Variants in SYNGR3 observed in about 807,000 individuals in gnomAD.
SYNGR3 encodes synaptogyrin-3.
Under a neutral mutation model 18.5 loss-of-function variants are expected in SYNGR3, and 10 were observed. The observed-to-expected ratio is 0.54, with a 90% confidence interval of 0.33 to 0.92. The LOEUF is 0.92. SYNGR3 is among the 40% of genes least tolerant of loss of function. The pLI, the probability that SYNGR3 is intolerant of heterozygous loss-of-function variation, is 0.02. For synonymous variants in SYNGR3, 188 were observed against 157.2 expected (o/e 1.20, Z -1.47); for missense variants, 335 against 332.8 (o/e 1.01, Z -0.05).
Position 1,992,843 on chromosome 16 carries a change from G to T in SYNGR3, c.481-20G>T. The T allele has an allele frequency of 6.6e-7, 1 of 1,525,334 alleles. No individual in the cohort carries two copies. The highest frequency in any genetic ancestry group is 8.8e-7 in the Non-Finnish European group (1 of 1,138,006). 94.5% of individuals were successfully genotyped at this position (1,525,334 alleles called of 1,614,324 possible). On this transcript the variant is annotated intron_variant, in intron 3 of 3. Coordinates refer to ENST00000248121, the MANE Select transcript of SYNGR3 (RefSeq NM_004209.6). ...CGCTCGGCTGATCCCGGCTGACCCC[G>T]CTGACCCCGCCCCGCGCAGGTGGCG... is the stretch of plus-strand genomic sequence containing the variant.
rs747752957 is a variant in SYNGR3, at chr16:1,992,681, A to T, written c.383A>T (p.Asn128Ile). Residue 128 changes from asparagine (N) to isoleucine (I), a missense_variant, in exon 3 of 4, where the codon AAT (asparagine) becomes ATT (isoleucine). By Grantham distance (149) the Asn-to-Ile change is moderately radical. Transcript: ENST00000248121. ...LWFVGFCFLT[N>I]QWQRTAPGPA... ...TTCGTGGGCTTCTGCTTCCTCACCA[A>T]TCAGTGGCAGCGCACGGCGCCAGGG... 1 of 1,605,808 alleles carries T rather than the reference A, an allele frequency of 6.2e-7. No individual in the cohort carries two copies. The highest frequency in any genetic ancestry group is 2.3e-5 in the East Asian group (1 of 44,090).
At chr16:1,991,931 A>T in intron 1 of SYNGR3, 43 bp from the exon 2 acceptor site, 1 of 1,527,494 alleles carries the variant, frequency 6.5e-7, no homozygotes, top group Non-Finnish European at 8.8e-7. Context: ...GGGCTCGCAG[A>T]GGTCGGGTCG....
Position 1,992,708 on chromosome 16 carries a change from C to T in SYNGR3, c.410C>T (p.Pro137Leu), listed in dbSNP as rs746600379. The change falls in exon 3 of 4, where the codon CCG (proline) becomes CTG (leucine). Residue 137 changes from proline (P) to leucine (L), a missense_variant. Coordinates refer to ENST00000248121, the MANE Select transcript of SYNGR3 (RefSeq NM_004209.6). ...CAGTGGCAGCGCACGGCGCCAGGGC[C>T]GGCCACGACGCAGGCGGGGGACGCG... ...TNQWQRTAPG[P>L]ATTQAGDAAR... 1.9e-6 allele frequency: 3 copies of T among 1,600,332 alleles called. No homozygotes were observed. Among genetic ancestry groups the T allele is most frequent in the Non-Finnish European group, 2.6e-6 (3 of 1,176,212 alleles).
rs1486857331 is a variant in SYNGR3 at position 1,993,354 on chromosome 16, C to T, written c.*282C>T. ...CTGGAATGGACTGGCCTGGGGAAGG[C>T]TTTCCCCTCTTGGGCCACACCTGCT... is the stretch of plus-strand genomic sequence containing the variant. On this transcript the variant is annotated 3_prime_UTR_variant, in exon 4 of 4. Coordinates refer to ENST00000248121, the MANE Select transcript of SYNGR3 (RefSeq NM_004209.6). The T allele has an allele frequency of 3.2e-6, 2 of 621,042 alleles. No individual in the cohort carries two copies. Among genetic ancestry groups the T allele is most frequent in the East Asian group, 6.2e-5 (2 of 32,392 alleles). The allele number at this position is 621,042 out of a possible 1,614,324, so 38.5% of individuals were successfully genotyped here.
chr16:1,993,182 T>C lies in SYNGR3; in HGVS notation c.*110T>C. The C allele has an allele frequency of 2.9e-6, 4 of 1,363,546 alleles. No homozygotes were observed. The highest frequency in any genetic ancestry group is 4.0e-6 in the Non-Finnish European group (4 of 1,005,324). The allele number at this position is 1,363,546 out of a possible 1,614,324, so 84.5% of individuals were successfully genotyped here. A position where few individuals can be genotyped will look rare whatever the true frequency, so the allele number is the denominator to read the frequency against. On this transcript the variant is annotated 3_prime_UTR_variant, in exon 4 of 4. Coordinates refer to ENST00000248121, the MANE Select transcript of SYNGR3 (RefSeq NM_004209.6). The stretch of plus-strand genomic sequence containing the variant: ...AGCTCAGTGCCGCGGACAGAGTAGG[T>C]GGCCGCTTTGCGCCATCCGGGGCCA...
At position 1,990,186 on chromosome 16, in the gene SYNGR3, C is replaced by T; in HGVS notation, c.84C>T (p.Leu28=). 3 of 1,280,634 alleles carry T rather than the reference C, an allele frequency of 2.3e-6. No homozygotes were observed. The highest frequency in any genetic ancestry group is 9.9e-7 in the Non-Finnish European group (1 of 1,012,524). The allele number at this position is 1,280,634 out of a possible 1,614,324, so 79.3% of individuals were successfully genotyped here. ...TTGCGCGGCGGCCCCAGACCCTGCT[C>T]CGGGTCGCGTCCTGGGTGAGTGGTC... is the stretch of plus-strand genomic sequence containing the variant. ...VSFARRPQTL[L]RVASWVFSIA... is the part of the protein sequence containing the mutation. Residue 28 remains leucine (L), a synonymous_variant, in exon 1 of 4, where the codon CTC becomes CTT. Transcript: ENST00000248121.
In SYNGR3 at chr16:1,993,321, T is replaced by C. The variant is rs1428760163; in HGVS notation, c.*249T>C. 3.1e-6 allele frequency: 2 copies of C among 637,336 alleles called. No individual in the cohort carries two copies. The highest frequency in any genetic ancestry group is 5.7e-6 in the Non-Finnish European group (2 of 350,884). The allele number at this position is 637,336 out of a possible 1,614,324, so 39.5% of individuals were successfully genotyped here. On this transcript the variant is annotated 3_prime_UTR_variant, in exon 4 of 4. Coordinates refer to ENST00000248121, the MANE Select transcript of SYNGR3 (RefSeq NM_004209.6). Reference sequence around the variant, plus strand: ...GGGATAGCACTGCCCAGGACGTGTGTCCCTAGCCTGGAATGGACTGGCCTG... The same window carrying C: ...GGGATAGCACTGCCCAGGACGTGTGCCCCTAGCCTGGAATGGACTGGCCTG...
Position 1,992,115 on chromosome 16 carries a change from G to T in SYNGR3, c.241G>T (p.Ala81Ser). 6.4e-7 allele frequency: 1 copy of T among 1,554,248 alleles called. No individual in the cohort carries two copies. The highest frequency in any genetic ancestry group is 1.2e-5 in the South Asian group (1 of 85,722). The change falls in exon 2 of 4, where the codon GCC (alanine) becomes TCC (serine). Residue 81 changes from alanine (A) to serine (S), a missense_variant. Ala to Ser is a moderately conservative substitution (Grantham distance 99). Transcript: ENST00000248121. The stretch of plus-strand genomic sequence containing the variant: ...CGCGCTGGGCCTCGGAGCCTTCCTC[G>T]CCTGCGCCGCCTTCCTGCTGCTCGA... ...GVALGLGAFL[A>S]CAAFLLLDVR...
Position 1,992,202 on chromosome 16 carries a change from G to A in SYNGR3, c.328G>A (p.Gly110Ser). 1 of 1,390,712 alleles carries A rather than the reference G, an allele frequency of 7.2e-7. No individual in the cohort carries two copies. The highest frequency in any genetic ancestry group is 9.3e-7 in the Non-Finnish European group (1 of 1,075,374). 86.1% of individuals were successfully genotyped at this position (1,390,712 alleles called of 1,614,324 possible). A position where few individuals can be genotyped will look rare whatever the true frequency, so the allele number is the denominator to read the frequency against. Residue 110 changes from glycine (G) to serine (S), a missense_variant, in exon 2 of 4, where the codon GGC becomes AGC. Coordinates refer to ENST00000248121, the MANE Select transcript of SYNGR3 (RefSeq NM_004209.6). The part of the protein sequence containing the change: ...DRRRAVLLDL[G>S]FSGLWSFLWF... ...CCGGCGCGCGGTGTTGCTGGACCTG[G>A]GCTTCTCAGGTGGGCGGGGCCGGGG...
chr16:1,990,192 C>G lies in SYNGR3; in HGVS notation c.90C>G (p.Val30=), dbSNP rs963243940. The G allele has an allele frequency of 4.7e-6, 6 of 1,278,992 alleles. No homozygotes were observed. The Admixed American group carries it at 1.2e-4, about 26-fold the overall frequency. The allele number at this position is 1,278,992 out of a possible 1,614,324, so 79.2% of individuals were successfully genotyped here. The change falls in exon 1 of 4, where the codon GTC becomes GTG. Residue 30 remains valine (V), a synonymous_variant. Coordinates refer to ENST00000248121, the MANE Select transcript of SYNGR3 (RefSeq NM_004209.6). The part of the protein sequence containing the change: ...FARRPQTLLR[V]ASWVFSIAVF... ...GGCGGCCCCAGACCCTGCTCCGGGT[C>G]GCGTCCTGGGTGAGTGGTCCCTGCC...
At chr16:1,991,952 C>T in intron 1 of SYNGR3, 22 bp from the exon 2 acceptor site, 1 of 1,579,366 alleles carries the variant, frequency 6.3e-7, no homozygotes, top group Non-Finnish European at 8.6e-7. Flanking sequence ...CCGCAGGGCC[C>T]TGAGCGCCGC....
At chr16:1,990,271 T>G in intron 1 of SYNGR3, 70 bp downstream of exon 1, 1 of 397,426 alleles carries the variant, frequency 2.5e-6, no homozygotes, top group Non-Finnish European at 2.8e-6. Flanking sequence ...ACCAGCCCCC[T>G]GCCCCCTACC....
rs747752957 is a variant in SYNGR3 at position 1,992,681 on chromosome 16, A to G, written c.383A>G (p.Asn128Ser). 16 of 1,605,808 alleles carry G rather than the reference A, an allele frequency of 1.0e-5. No individual in the cohort carries two copies. Among genetic ancestry groups the G allele is most frequent in the South Asian group, 3.3e-5 (3 of 90,916 alleles). The change falls in exon 3 of 4, where the codon AAT (asparagine) becomes AGT (serine). Residue 128 changes from asparagine (N) to serine (S), a missense_variant. Asn to Ser is a conservative substitution (Grantham distance 46). Coordinates refer to ENST00000248121, the MANE Select transcript of SYNGR3 (RefSeq NM_004209.6). ...LWFVGFCFLT[N>S]QWQRTAPGPA... ...TTCGTGGGCTTCTGCTTCCTCACCA[A>G]TCAGTGGCAGCGCACGGCGCCAGGG...
At position 1,992,868 on chromosome 16, in the gene SYNGR3, G is replaced by T. The variant is rs1396610257; in HGVS notation, c.486G>T (p.Ala162=). The T allele has an allele frequency of 1.9e-6, 3 of 1,568,078 alleles. No individual in the cohort carries two copies. The highest frequency in any genetic ancestry group is 1.4e-5 in the African/African-American group (1 of 73,700). The part of the protein sequence containing the change: ...FSFFSILSWV[A]LTVKALQRFR... ...GCTGACCCCGCCCCGCGCAGGTGGC[G>T]CTCACCGTGAAGGCCCTGCAGCGGT... is the stretch of plus-strand genomic sequence containing the variant. Residue 162 remains alanine (A), a synonymous_variant, in exon 4 of 4, where the codon GCG becomes GCT. Transcript: ENST00000248121.
At chr16:1,992,235 C>A in intron 2 of SYNGR3, 24 bp downstream of exon 2, 1 of 496,172 alleles carries the variant, frequency 2.0e-6, no homozygotes, top group Non-Finnish European at 2.4e-6. Flanking sequence ...GGGCGGTGAG[C>A]GCGGAGAGCC....
Position 1,992,845 on chromosome 16 carries a change from T to TGACCCCGCC in SYNGR3, c.481-17_481-9dup, listed in dbSNP as rs1171328700. ...CTCGGCTGATCCCGGCTGACCCCGC[T>TGACCCCGCC]GACCCCGCCCCGCGCAGGTGGCGCT... On this transcript the variant is annotated splice_polypyrimidine_tract_variant and intron_variant, in intron 3 of 3. Transcript: ENST00000248121. 3 of 1,530,662 alleles carry TGACCCCGCC rather than the reference T, an allele frequency of 2.0e-6. No homozygotes were observed. Among genetic ancestry groups the TGACCCCGCC allele is most frequent in the Non-Finnish European group, 8.8e-7 (1 of 1,140,482 alleles). 94.8% of individuals were successfully genotyped at this position (1,530,662 alleles called of 1,614,324 possible).
In SYNGR3 at chr16:1,992,951, G is replaced by T; in HGVS notation, c.569G>T (p.Ser190Ile). 1 of 1,611,646 alleles carries T rather than the reference G, an allele frequency of 6.2e-7. No individual in the cohort carries two copies. Among genetic ancestry groups the T allele is most frequent in the Non-Finnish European group, 8.5e-7 (1 of 1,179,630 alleles). Residue 190 changes from serine to isoleucine, a missense_variant, in exon 4 of 4, where the codon AGC becomes ATC. Transcript: ENST00000248121. ...ACCGAACAGCTGAGCACCGGGGCGA[G>T]CCAGGCCTACCCCGGCTATCCGGTG... Reference protein sequence around the residue: ...FATEQLSTGASQAYPGYPVGS... With the variant: ...FATEQLSTGAIQAYPGYPVGS...
rs2083605738 is a variant in SYNGR3, at chr16:1,991,890, G to A, written c.100-84G>A. The A allele has an allele frequency of 2.0e-5, 25 of 1,223,590 alleles. 1 individual carries two copies. The South Asian group carries it at 3.7e-4, about 18-fold the overall frequency. The allele number at this position is 1,223,590 out of a possible 1,614,324, so 75.8% of individuals were successfully genotyped here. ...CCCAGATACGGGCCTGGGAACGCAG[G>A]GACAGGCCCAGGGGCGTGGGCGCTC... On this transcript the variant is annotated intron_variant, in intron 1 of 3. Coordinates refer to ENST00000248121, the MANE Select transcript of SYNGR3 (RefSeq NM_004209.6).
rs777464190 is a variant in SYNGR3, at chr16:1,992,763, C to T, written c.465C>T (p.Phe155=). The change falls in exon 3 of 4, where the codon TTC becomes TTT. Residue 155 remains phenylalanine (F), a synonymous_variant. Coordinates refer to ENST00000248121, the MANE Select transcript of SYNGR3 (RefSeq NM_004209.6). ...GGGCCGCCATCGCCTTCAGCTTCTTCTCCATCCTCAGCTGGGTGAGTGCGG... is the reference window on the plus strand; with the variant it reads ...GGGCCGCCATCGCCTTCAGCTTCTTTTCCATCCTCAGCTGGGTGAGTGCGG... ...AARAAIAFSF[F]SILSWVALTV... is the part of the protein sequence containing the mutation. 228 of 1,573,518 alleles carry T rather than the reference C, an allele frequency of 1.4e-4. 1 individual carries two copies. Among genetic ancestry groups the T allele is most frequent in the Non-Finnish European group, 1.8e-4 (211 of 1,163,608 alleles).
Sources: gnomAD v4.1 joint callset for allele counts on GRCh38, gnomAD v4.1.1 for gene constraint, MANE v1.5 for transcripts, NCBI Gene and HGNC (gene_info 2026-07-23, HGNC 2026-07-21) for gene names.